The following ATP10B variants were observed in gnomAD, a reference collection of about 807,000 sequenced individuals.
The protein encoded by ATP10B is ATPase phospholipid transporting 10B (putative).
In ATP10B, 122 loss-of-function variants were observed where a neutral mutation model predicts 141.2. The observed-to-expected ratio is 0.86, with a 90% CI of 0.75 to 1.00. The LOEUF is 1.00. Ranked by LOEUF, ATP10B falls within the 50% of genes least tolerant of loss-of-function variation. The pLI is 0.00. For missense variants in ATP10B, 1,876 were observed against 1,825.3 expected (o/e 1.03, Z -0.51); for synonymous variants, 685 against 692.0 (o/e 0.99, Z 0.16).
At chr5:160,913,337 A>G in the ATP10B span, among the ~76,000 whole-genome samples, 4 of 152,180 alleles carry the variant, frequency 2.6e-5, no homozygotes, top group African/African-American at 9.7e-5. Flanking sequence ...CTAGGATGCT[A>G]GAGAGATTCT....
At position 160,615,891 on chromosome 5, in the gene ATP10B, T is replaced by C. The variant is rs1286848957; in HGVS notation, c.2600A>G (p.Asp867Gly). The C allele has an allele frequency of 1.2e-6, 2 of 1,613,914 alleles. No homozygotes were observed. Among genetic ancestry groups the C allele is most frequent in the South Asian group, 1.1e-5 (1 of 91,066 alleles). ...CTGTGCAGTTTCCATGAGAAGCTCA[T>C]CTCGGTTGTCGAGGGATGCCTCAGC... ...REAEASLDNR[D>G]ELLMETAQHL... is the part of the protein sequence containing the mutation. The change falls in exon 17 of 26, where the codon GAT becomes GGT. Residue 867 changes from aspartate (D) to glycine (G), a missense_variant. Physicochemically the swap from Asp to Gly is moderately conservative, Grantham distance 94. Transcript: ENST00000327245.
chr5:160,912,270 T>C, the ATP10B span, among the ~76,000 whole-genome samples: 2 of 152,060 alleles, frequency 1.3e-5, no homozygotes, highest in Non-Finnish European at 2.9e-5. Flanking sequence ...TGATCATTTG[T>C]AATTAGAAAT....
At chr5:160,684,507 G>A (rs1372288785) in intron 6 of ATP10B, among the ~76,000 whole-genome samples, 1 of 152,132 alleles carries the variant, frequency 6.6e-6, no homozygotes, top group African/African-American at 2.4e-5. Flanking sequence ...TTCCCTCCCA[G>A]TGTCCTCAAC....
chr5:160,829,057 T>TG, intron 1 of ATP10B, among the ~76,000 whole-genome samples: 2 of 82,972 alleles, frequency 2.4e-5, no homozygotes, highest in Middle Eastern at 9.8e-3. Flanking sequence ...GGGACTGTTG[T>TG]GGGGTGGGGG....
intron 25 of ATP10B, among the ~76,000 whole-genome samples, chr5:160,566,869 G>A (rs1176944328): frequency 1.3e-5 from 2 of 152,148 alleles, no homozygotes; most frequent in Non-Finnish European, 2.9e-5. Flanking sequence ...TATTTTTTAT[G>A]TTTGAAGTCT....
chr5:160,812,708 G>T (rs554766790), intron 1 of ATP10B, among the ~76,000 whole-genome samples: 1 of 143,530 alleles, frequency 7.0e-6, no homozygotes, highest in East Asian at 2.1e-4. Context: ...CACCATCAGA[G>T]GGGACAAAAG....
intron 6 of ATP10B, among the ~76,000 whole-genome samples, chr5:160,680,891 C>T (rs1763353854): frequency 6.6e-6 from 1 of 152,162 alleles, no homozygotes; most frequent in Non-Finnish European, 1.5e-5. Context: ...AAGATGGCTA[C>T]CAGAAGTGTC....
In ATP10B at chr5:160,636,309, C is replaced by T. The variant is rs745487017; in HGVS notation, c.1001G>A (p.Gly334Asp). The T allele has an allele frequency of 1.2e-6, 2 of 1,611,718 alleles. No individual in the cohort carries two copies. Among genetic ancestry groups the T allele is most frequent in the Non-Finnish European group, 1.7e-6 (2 of 1,179,134 alleles). Reference sequence around the variant, plus strand: ...AAAGGTCCCATTCCAGATGCTGTGACCTGAGAGGAGGCAAAACCAGGAATG... The same window carrying T: ...AAAGGTCCCATTCCAGATGCTGTGATCTGAGAGGAGGCAAAACCAGGAATG... ...LILMCLIGAV[G>D]HSIWNGTFEE... The change falls in exon 11 of 26, where the codon GGT becomes GAT. Residue 334 changes from glycine to aspartate, a missense_variant and splice_region_variant. By Grantham distance (94) the Gly-to-Asp change is moderately conservative. Coordinates refer to ENST00000327245, the MANE Select transcript of ATP10B (RefSeq NM_025153.3).
intron 2 of ATP10B, among the ~76,000 whole-genome samples, chr5:160,741,771 A>G (rs562430134): frequency 1.2e-4 from 18 of 152,346 alleles, no homozygotes; most frequent in African/African-American, 4.3e-4. Flanking sequence ...AGATAACTTA[A>G]TAATTAGGGA....
chr5:160,776,703 G>GT (rs947886832), intron 2 of ATP10B, among the ~76,000 whole-genome samples: 5 of 152,144 alleles, frequency 3.3e-5, no homozygotes, highest in Admixed American at 2.6e-4. Flanking sequence ...TTATTAATAA[G>GT]TTTTTCCTGT....
chr5:160,861,671 G>GT, the ATP10B span, among the ~76,000 whole-genome samples: 1 of 151,662 alleles, frequency 6.6e-6, no homozygotes, highest in Non-Finnish European at 1.5e-5. Context: ...GAAGTATTGA[G>GT]TTTTTTCTAT....
chr5:160,922,099 G>A, the ATP10B span, among the ~76,000 whole-genome samples: 1 of 152,190 alleles, frequency 6.6e-6, no homozygotes, highest in Non-Finnish European at 1.5e-5. Flanking sequence ...TGTCTGGCTT[G>A]AGAAAAGTCA....
At chr5:160,888,014 T>C in the ATP10B span, among the ~76,000 whole-genome samples, 4 of 152,220 alleles carry the variant, frequency 2.6e-5, no homozygotes, top group Non-Finnish European at 5.9e-5. Context: ...AACATGGTAA[T>C]TGCTCAAATA....
chr5:160,892,770 G>A, the ATP10B span, among the ~76,000 whole-genome samples: 1 of 152,154 alleles, frequency 6.6e-6, no homozygotes, highest in Non-Finnish European at 1.5e-5. Flanking sequence ...GGATGAATAG[G>A]AACAGATCCA....
At chr5:160,816,961 G>C (rs568667638) in intron 1 of ATP10B, among the ~76,000 whole-genome samples, 2 of 152,266 alleles carry the variant, frequency 1.3e-5, no homozygotes, top group East Asian at 3.9e-4. Flanking sequence ...AGCACTTCAT[G>C]CTAAAAACTC....
Position 160,615,871 on chromosome 5 carries a change from C to G in ATP10B, c.2620G>C (p.Ala874Pro), listed in dbSNP as rs2127642473. The G allele has an allele frequency of 6.2e-7, 1 of 1,613,728 alleles. No homozygotes were observed. Among genetic ancestry groups the G allele is most frequent in the East Asian group, 2.2e-5 (1 of 44,868 alleles). The change falls in exon 17 of 26, where the codon GCA becomes CCA. Residue 874 changes from alanine (A) to proline (P), a missense_variant. Ala to Pro is a conservative substitution (Grantham distance 27). Transcript: ENST00000327245. ...GTGAGTTGATTCTCCAGATGCTGTG[C>G]AGTTTCCATGAGAAGCTCATCTCGG... ...DNRDELLMET[A>P]QHLENQLTLL...
At chr5:160,783,133 C>A (rs552653335) in intron 2 of ATP10B, among the ~76,000 whole-genome samples, 1 of 150,106 alleles carries the variant, frequency 6.7e-6, no homozygotes, top group Non-Finnish European at 1.5e-5. Context: ...AAGCAGTATA[C>A]GCTGCACCAT....
chr5:160,891,726 C>A, the ATP10B span, among the ~76,000 whole-genome samples: 35 of 152,344 alleles, frequency 2.3e-4, no homozygotes, highest in African/African-American at 7.9e-4. Context: ...GTGTGAGCCA[C>A]TGTGCCCAGC....
chr5:160,684,832 T>A, intron 6 of ATP10B: 1 of 683,400 alleles, frequency 1.5e-6, no homozygotes, highest in East Asian at 2.7e-5. Context: ...TTTTTTGCTT[T>A]ACCTGCTGTA....
Sources: allele counts gnomAD v4.1 joint callset (sites outside exome capture counted in the v4.1 genomes callset), GRCh38; gene constraint gnomAD v4.1.1; transcripts MANE v1.5; gene names NCBI Gene and HGNC (gene_info 2026-07-23, HGNC 2026-07-21).